The following ARHGAP18 variants were observed in gnomAD, a reference collection of about 807,000 sequenced individuals.
The protein encoded by ARHGAP18 is rho GTPase-activating protein 18.
In ARHGAP18, 67 loss-of-function variants were observed where a neutral mutation model predicts 86.2. The observed-to-expected ratio is 0.78, with a 90% CI of 0.64 to 0.95. The LOEUF (loss-of-function observed/expected upper bound fraction) is 0.95. ARHGAP18 is among the 40% of genes least tolerant of loss of function. The probability of loss-of-function intolerance (pLI) is 0.00; values close to 1 mark genes in which losing one functional copy is unlikely to be tolerated. For missense variants in ARHGAP18, 691 were observed against 780.4 expected, an observed-to-expected ratio of 0.89 and a Z score of 1.37; for synonymous variants, 283 against 280.4, an observed-to-expected ratio of 1.01 and a Z score of -0.09.
intron 4 of ARHGAP18, among the ~76,000 whole-genome samples, chr6:129,630,684 T>C (rs1466187407): frequency 1.3e-5 from 2 of 152,218 alleles, no homozygotes; most frequent in African/African-American, 2.4e-5. Flanking sequence ...TCTAGTCTTA[T>C]TCAGTCCCAT....
At chr6:129,624,564 G>T (rs916514895) in intron 5 of ARHGAP18, among the ~76,000 whole-genome samples, 1 of 151,802 alleles carries the variant, frequency 6.6e-6, no homozygotes, top group Non-Finnish European at 1.5e-5. Context: ...TTTTCCTGAG[G>T]ATAGTCTGGC....
chr6:129,581,533 A>C (rs952150897), intron 13 of ARHGAP18, among the ~76,000 whole-genome samples: 4 of 152,188 alleles, frequency 2.6e-5, no homozygotes, highest in African/African-American at 9.7e-5. Context: ...AAAAACATCT[A>C]GTTAGATATT....
chr6:129,665,428 T>C (rs981987461), intron 1 of ARHGAP18, among the ~76,000 whole-genome samples: 1 of 151,982 alleles, frequency 6.6e-6, no homozygotes, highest in Non-Finnish European at 1.5e-5. Flanking sequence ...TGCATGCCTG[T>C]AGTCACAGCT....
rs1211561456 is a variant in ARHGAP18 at position 129,576,377 on chromosome 6, C to T, written c.*2136G>A. On this transcript the variant is annotated 3_prime_UTR_variant, in exon 15 of 15. Transcript: ENST00000368149. ...TCACGAGGCTGAGGCAGGAGGTTTG[C>T]TTGAGCCCCAGTGCTTGAGGCTGCA... 2 of 152,186 alleles carry T rather than the reference C, an allele frequency of 1.3e-5. No individual in the cohort carries two copies. Among genetic ancestry groups the T allele is most frequent in the African/African-American group, 4.8e-5 (2 of 41,432 alleles). The allele number at this position is 152,186 out of a possible 1,614,324, so 9.4% of individuals were successfully genotyped here. A position where few individuals can be genotyped will look rare whatever the true frequency, so the allele number is the denominator to read the frequency against.
At chr6:129,696,892 A>G (rs571176197) in intron 1 of ARHGAP18, among the ~76,000 whole-genome samples, 2 of 152,330 alleles carry the variant, frequency 1.3e-5, no homozygotes, top group South Asian at 2.1e-4. Context: ...AAAGATAACC[A>G]CAATCAACTC....
intron 1 of ARHGAP18, among the ~76,000 whole-genome samples, chr6:129,669,795 A>T (rs1259705528): frequency 1.3e-5 from 2 of 151,886 alleles, no homozygotes; most frequent in Admixed American, 6.6e-5. Flanking sequence ...AAAAAAAAAT[A>T]AATAAATTCA....
At chr6:129,606,867 T>G (rs1440613659) in intron 9 of ARHGAP18, among the ~76,000 whole-genome samples, 2 of 148,248 alleles carry the variant, frequency 1.3e-5, no homozygotes, top group South Asian at 2.1e-4. Flanking sequence ...AATTTATTCT[T>G]TTTTTTTTTT....
chr6:129,578,534 A>G lies in ARHGAP18; in HGVS notation c.1971T>C (p.Val657=). ...TCTTCTACAATGGCTTTGACTTTAT[A>G]ACCCACTCAGCATTTGGGTTAAGCT... ...LYQLNPNAEW[V]IKSKPL Residue 657 remains valine, a synonymous_variant, in exon 15 of 15, where the codon GTT becomes GTC. Coordinates refer to ENST00000368149, the MANE Select transcript of ARHGAP18 (RefSeq NM_033515.3). The G allele has an allele frequency of 6.2e-7, 1 of 1,612,178 alleles. No individual in the cohort carries two copies. Among genetic ancestry groups the G allele is most frequent in the Non-Finnish European group, 8.5e-7 (1 of 1,178,808 alleles).
intron 10 of ARHGAP18, among the ~76,000 whole-genome samples, chr6:129,603,004 T>TATATAA (rs1396741559): frequency 2.0e-5 from 3 of 151,100 alleles, no homozygotes; most frequent in Non-Finnish European, 4.4e-5. Context: ...TATATATATA[T>TATATAA]AATTTCAATA....
At chr6:129,614,033 C>A (rs554213070) in intron 7 of ARHGAP18, among the ~76,000 whole-genome samples, 2 of 152,194 alleles carry the variant, frequency 1.3e-5, no homozygotes, top group East Asian at 3.9e-4. Context: ...ATAAGACAGA[C>A]TTTTTTCATA....
chr6:129,615,106 T>C (rs1789067834), intron 7 of ARHGAP18, among the ~76,000 whole-genome samples: 1 of 152,234 alleles, frequency 6.6e-6, no homozygotes, highest in Admixed American at 6.5e-5. Context: ...TCTGGAGAAC[T>C]TTGACTAATA....
chr6:129,584,242 T>C (rs529031895), intron 12 of ARHGAP18, 130 bp from the exon 13 acceptor site: 1 of 1,287,480 alleles, frequency 7.8e-7, no homozygotes, highest in South Asian at 1.8e-5. Flanking sequence ...TTAACTACTG[T>C]ATAATGTAAT....
intron 12 of ARHGAP18, among the ~76,000 whole-genome samples, chr6:129,588,107 G>C (rs943299916): frequency 6.7e-6 from 1 of 148,752 alleles, no homozygotes; most frequent in Non-Finnish European, 1.5e-5. Context: ...AATCCAACAG[G>C]GAAGTCACCA....
chr6:129,645,252 C>T lies in ARHGAP18; in HGVS notation c.114-3234G>A, dbSNP rs973523968. ...ATTCTACTTTTGTACTTCAGACAGG[C>T]AGTGACTAAAAGTCTGGACCTTCCT... On this transcript the variant is annotated intron_variant, in intron 1 of 14. Coordinates refer to ENST00000368149, the MANE Select transcript of ARHGAP18 (RefSeq NM_033515.3). Among the ~76,000 whole-genome samples, 3 of 152,126 alleles carry T rather than the reference C, an allele frequency of 2.0e-5. No homozygotes were observed. In the East Asian group the frequency reaches 5.8e-4, roughly 29 times the overall value.
At chr6:129,642,093 C>A in intron 1 of ARHGAP18, 75 bp from the exon 2 acceptor site, 2 of 1,340,168 alleles carry the variant, frequency 1.5e-6, no homozygotes, top group South Asian at 1.3e-5. Flanking sequence ...ATCACAGCAA[C>A]AAGCTGGAGA....
At chr6:129,682,000 T>C (rs1233408693) in intron 1 of ARHGAP18, among the ~76,000 whole-genome samples, 1 of 152,258 alleles carries the variant, frequency 6.6e-6, no homozygotes, top group African/African-American at 2.4e-5. Context: ...GAGCTCATCT[T>C]AGCTTATTAA....
At chr6:129,704,548 T>A (rs997722354) in intron 1 of ARHGAP18, among the ~76,000 whole-genome samples, 1 of 152,122 alleles carries the variant, frequency 6.6e-6, no homozygotes, top group Middle Eastern at 3.2e-3. Context: ...AAATTAATGA[T>A]CACTTTAACA....
intron 4 of ARHGAP18, among the ~76,000 whole-genome samples, chr6:129,629,734 T>C (rs1465959350): frequency 6.6e-6 from 1 of 152,166 alleles, no homozygotes; most frequent in Non-Finnish European, 1.5e-5. Context: ...TAGCAATCCA[T>C]AGTTCAATTG....
intron 12 of ARHGAP18, among the ~76,000 whole-genome samples, chr6:129,596,163 A>G (rs1788612263): frequency 6.6e-6 from 1 of 152,142 alleles, no homozygotes; most frequent in South Asian, 2.1e-4. Flanking sequence ...TTTCACTCAG[A>G]GTAAATCCAA....
Sources: gnomAD v4.1 joint callset for allele counts (sites outside exome capture counted in the v4.1 genomes callset) on GRCh38, gnomAD v4.1.1 for gene constraint, MANE v1.5 for transcripts, NCBI Gene and HGNC (gene_info 2026-07-23, HGNC 2026-07-21) for gene names.